BTBD7: variants seen among roughly 807,000 people sequenced by gnomAD.
BTBD7 encodes the protein BTB/POZ domain-containing protein 7.
BTBD7 carries 38 observed loss-of-function variants against 99.9 expected under a neutral mutation model. The observed-to-expected ratio is 0.38, with a 90% CI of 0.29 to 0.50. BTBD7 has a LOEUF of 0.50. Ranked by LOEUF, BTBD7 falls within the 20% of genes least tolerant of loss-of-function variation. BTBD7 has a pLI of 0.93. For synonymous variants in BTBD7, 520 were observed against 511.4 expected (o/e 1.02, Z -0.23); for missense variants, 1,170 against 1,394.6 (o/e 0.84, Z 2.57).
chr14:93,246,015 T>G lies in BTBD7; in HGVS notation c.2393A>C (p.Asn798Thr). The G allele has an allele frequency of 3.1e-6, 5 of 1,613,848 alleles. No homozygotes were observed. The highest frequency in any genetic ancestry group is 4.2e-6 in the Non-Finnish European group (5 of 1,179,974). Residue 798 changes from asparagine to threonine, a missense_variant, in exon 10 of 11, where the codon AAT (asparagine) becomes ACT (threonine). Physicochemically the swap from Asn to Thr is moderately conservative, Grantham distance 65. This residue lies in a region of BTBD7 where 495 missense variants were observed against 525.9 expected (regional missense o/e 0.94). Coordinates refer to ENST00000334746, the MANE Select transcript of BTBD7 (RefSeq NM_001002860.4). Reference sequence around the variant, plus strand: ...TGTTCTGGAGTGGAACAGCGAATGATTACAGGGATAAGAAAATGAACGTGA... The same window carrying G: ...TGTTCTGGAGTGGAACAGCGAATGAGTACAGGGATAAGAAAATGAACGTGA... Reference protein sequence around the residue: ...HPSRSFSYPCNHSLFHSRTAP... With the variant: ...HPSRSFSYPCTHSLFHSRTAP...
At chr14:93,331,217 T>C (rs992958247) in intron 1 of BTBD7, among the ~76,000 whole-genome samples, 6 of 152,130 alleles carry the variant, frequency 3.9e-5, no homozygotes, top group African/African-American at 1.4e-4. Context: ...GGGTAGGTAG[T>C]GAATGGTGAA....
intron 3 of BTBD7, among the ~76,000 whole-genome samples, chr14:93,277,885 T>C (rs2052674755): frequency 6.6e-6 from 1 of 152,194 alleles, no homozygotes; most frequent in Admixed American, 6.5e-5. Flanking sequence ...AAATGTATAA[T>C]TTCCTGTCAC....
chr14:93,328,880 G>A (rs560656673), intron 1 of BTBD7, among the ~76,000 whole-genome samples: 5 of 152,206 alleles, frequency 3.3e-5, no homozygotes, highest in African/African-American at 9.6e-5. Context: ...TCACACTAGT[G>A]TACTCCAGCC....
intron 1 of BTBD7, among the ~76,000 whole-genome samples, chr14:93,297,384 G>A (rs547361675): frequency 7.9e-5 from 12 of 152,248 alleles, no homozygotes; most frequent in Non-Finnish European, 5.9e-5. Context: ...GTGCAGTGGC[G>A]CAATCTCGGC....
At chr14:93,304,569 C>T (rs1473722200) in intron 1 of BTBD7, among the ~76,000 whole-genome samples, 2 of 152,184 alleles carry the variant, frequency 1.3e-5, no homozygotes, top group African/African-American at 4.8e-5. Flanking sequence ...CCAGGCTGGT[C>T]TCAAACTCCT....
At chr14:93,277,054 A>G (rs2052664381) in intron 3 of BTBD7, among the ~76,000 whole-genome samples, 1 of 151,780 alleles carries the variant, frequency 6.6e-6, no homozygotes, top group Non-Finnish European at 1.5e-5. Context: ...GGCACGCACC[A>G]CCACACCCAG....
chr14:93,276,287 A>G (rs2052655660), intron 3 of BTBD7, among the ~76,000 whole-genome samples: 1 of 152,170 alleles, frequency 6.6e-6, no homozygotes. Context: ...TATATTTCCA[A>G]TCTAAGTATC....
At chr14:93,308,764 T>C (rs2053101481) in intron 1 of BTBD7, among the ~76,000 whole-genome samples, 1 of 152,196 alleles carries the variant, frequency 6.6e-6, no homozygotes, top group South Asian at 2.1e-4. Flanking sequence ...AGGACGAATA[T>C]GGATTCCACT....
At position 93,242,765 on chromosome 14, in the gene BTBD7, T is replaced by C; in HGVS notation, c.2907A>G (p.Gln969=). ...ACAGATCGGGACCAAAATATCCACC[T>C]TGCGAAGGGGAAGGGGTGCGTCTGC... ...ALSRRTPSPS[Q]GGYFGPDLYS... The change falls in exon 11 of 11, where the codon CAA becomes CAG. Residue 969 remains glutamine, a synonymous_variant. Coordinates refer to ENST00000334746, the MANE Select transcript of BTBD7 (RefSeq NM_001002860.4). The C allele has an allele frequency of 6.2e-7, 1 of 1,614,188 alleles. No homozygotes were observed. The highest frequency in any genetic ancestry group is 2.2e-5 in the East Asian group (1 of 44,888).
intron 3 of BTBD7, among the ~76,000 whole-genome samples, chr14:93,280,472 T>C (rs1023533233): frequency 1.3e-5 from 2 of 152,224 alleles, no homozygotes; most frequent in African/African-American, 4.8e-5. Context: ...TGTGCAAATA[T>C]ATTTTCAGTT....
At position 93,246,110 on chromosome 14, in the gene BTBD7, G is replaced by A. The variant is rs779975627; in HGVS notation, c.2298C>T (p.His766=). ...PPLPPPPPPY[H]PPATPIHNQL... is the part of the protein sequence containing the mutation. The stretch of plus-strand genomic sequence containing the variant: ...GGTTATGGATTGGGGTAGCTGGGGG[G>A]TGGTAGGGAGGTGGTGGAGGGGGCA... Residue 766 remains histidine (H), a synonymous_variant, in exon 10 of 11, where the codon CAC becomes CAT. Transcript: ENST00000334746. 4.0e-6 allele frequency: 6 copies of A among 1,514,160 alleles called. No individual in the cohort carries two copies. In the South Asian group the frequency reaches 5.7e-5, roughly 14 times the overall value. The allele number at this position is 1,514,160 out of a possible 1,614,324, so 93.8% of individuals were successfully genotyped here.
chr14:93,250,349 G>A (rs1254012885), intron 8 of BTBD7, among the ~76,000 whole-genome samples: 1 of 152,190 alleles, frequency 6.6e-6, no homozygotes, highest in African/African-American at 2.4e-5. Flanking sequence ...AGCCTAAAAA[G>A]CCAGGCTAAT....
chr14:93,315,951 CTT>C (rs35850952), intron 1 of BTBD7, among the ~76,000 whole-genome samples: 1,355 of 124,848 alleles, frequency 0.011, 26 homozygotes, highest in African/African-American at 0.036. Flanking sequence ...CAAAATGTAT[CTT>C]TTTTTTTTTT....
chr14:93,318,692 G>A (rs773419034), intron 1 of BTBD7, among the ~76,000 whole-genome samples: 1 of 152,178 alleles, frequency 6.6e-6, no homozygotes, highest in Non-Finnish European at 1.5e-5. Flanking sequence ...CATGTAAGAA[G>A]TGGCACTTGA....
chr14:93,291,206 G>A (rs1052811471), intron 3 of BTBD7, among the ~76,000 whole-genome samples: 6 of 151,926 alleles, frequency 3.9e-5, no homozygotes, highest in African/African-American at 1.2e-4. Flanking sequence ...ATATGTTGTG[G>A]TGATTATTAT....
At chr14:93,264,972 C>A (rs1053627554) in intron 3 of BTBD7, among the ~76,000 whole-genome samples, 1 of 152,072 alleles carries the variant, frequency 6.6e-6, no homozygotes, top group Non-Finnish European at 1.5e-5. Context: ...TCCTGTAATC[C>A]CAGCTACTCG....
At chr14:93,314,904 G>A (rs1455852544) in intron 1 of BTBD7, among the ~76,000 whole-genome samples, 1 of 152,050 alleles carries the variant, frequency 6.6e-6, no homozygotes, top group East Asian at 1.9e-4. Context: ...TATATTCTTT[G>A]CCCATTTTTC....
chr14:93,286,393 A>T (rs1183102592), intron 3 of BTBD7, among the ~76,000 whole-genome samples: 1 of 152,196 alleles, frequency 6.6e-6, no homozygotes, highest in African/African-American at 2.4e-5. Context: ...TTCTCTGGCT[A>T]AGTGCTCTGA....
chr14:93,304,723 A>C (rs2053050433), intron 1 of BTBD7, among the ~76,000 whole-genome samples: 1 of 152,192 alleles, frequency 6.6e-6, no homozygotes, highest in Non-Finnish European at 1.5e-5. Context: ...AAATCAACTG[A>C]ATTTAAAGGG....
Sources: gnomAD v4.1 joint callset for allele counts (sites outside exome capture counted in the v4.1 genomes callset) on GRCh38, gnomAD v4.1.1 for gene constraint, gnomAD v4.1.1 regional missense constraint, MANE v1.5 for transcripts, NCBI Gene and HGNC (gene_info 2026-07-23, HGNC 2026-07-21) for gene names.